The following TBL1XR1 variants were observed in gnomAD, a reference collection of about 807,000 sequenced individuals.
TBL1XR1 encodes the protein F-box-like/WD repeat-containing protein TBL1XR1.
TBL1XR1 carries 5 observed loss-of-function variants against 66.9 expected under a neutral mutation model. The ratio of observed to expected loss-of-function variants is 0.07; its 90% CI spans 0.04 to 0.16. The LOEUF is 0.16. TBL1XR1 is among the 10% of genes least tolerant of loss of function. The pLI, the probability that TBL1XR1 is intolerant of heterozygous loss-of-function variation, is 1.00. For synonymous variants in TBL1XR1, 210 were observed against 206.0 expected (o/e 1.02, Z -0.17); for missense variants, 238 against 623.2 (o/e 0.38, Z 6.58).
intron 1 of TBL1XR1, among the ~76,000 whole-genome samples, chr3:177,168,440 C>A (rs1733089112): frequency 6.6e-6 from 1 of 152,100 alleles, no homozygotes; most frequent in African/African-American, 2.4e-5. Context: ...CGACACCATA[C>A]CCAGCTAATT....
intron 1 of TBL1XR1, among the ~76,000 whole-genome samples, chr3:177,105,023 C>G (rs952843606): frequency 6.6e-6 from 1 of 152,180 alleles, no homozygotes; most frequent in South Asian, 2.1e-4. Context: ...TACTTAGGCA[C>G]TAACGCCTAT....
intron 1 of TBL1XR1, among the ~76,000 whole-genome samples, chr3:177,150,912 A>G (rs1730805962): frequency 6.6e-6 from 1 of 152,260 alleles, no homozygotes; most frequent in African/African-American, 2.4e-5. Flanking sequence ...TGAGAATCTG[A>G]GATCGGACCT....
At chr3:177,072,060 A>C (rs1365867350) in intron 2 of TBL1XR1, among the ~76,000 whole-genome samples, 1 of 152,232 alleles carries the variant, frequency 6.6e-6, no homozygotes, top group Non-Finnish European at 1.5e-5. Flanking sequence ...TACAGATTCT[A>C]ACTGCAAAGT....
chr3:177,065,072 A>C, intron 2 of TBL1XR1, 50 bp from the exon 3 acceptor site: 2 of 1,207,332 alleles, frequency 1.7e-6, no homozygotes, highest in Non-Finnish European at 1.1e-6. Flanking sequence ...ATTTTTAAAC[A>C]AGATGTAAAC....
At chr3:177,039,347 C>T (rs890971008) in intron 10 of TBL1XR1, among the ~76,000 whole-genome samples, 6 of 152,140 alleles carry the variant, frequency 3.9e-5, no homozygotes, top group African/African-American at 1.2e-4. Flanking sequence ...CTGTCAATTA[C>T]AAGAGTTAGA....
At chr3:177,064,582 A>C (rs776826342) in intron 3 of TBL1XR1, among the ~76,000 whole-genome samples, 3 of 152,228 alleles carry the variant, frequency 2.0e-5, no homozygotes, top group Non-Finnish European at 2.9e-5. Flanking sequence ...AACAACATTT[A>C]ATTGAGAATT....
rs1577398794 is a variant in TBL1XR1, at chr3:177,178,623, G to A, written c.-122+18498C>T. 2.0e-5 allele frequency among the ~76,000 whole-genome samples: 3 copies of A among 152,292 alleles called. No individual in the cohort carries two copies. In the South Asian group the frequency reaches 6.2e-4, roughly 32 times the overall value. ...GCACTTTGGGATGCCCAGGCAGGCG[G>A]ATCACCTGAGGTCAGGAGTTCGAGA... is the stretch of plus-strand genomic sequence containing the variant. On this transcript the variant is annotated intron_variant, in intron 1 of 15. Coordinates refer to ENST00000457928, the MANE Select transcript of TBL1XR1 (RefSeq NM_024665.7).
chr3:177,138,022 T>G (rs1214785950), intron 1 of TBL1XR1, among the ~76,000 whole-genome samples: 1 of 152,146 alleles, frequency 6.6e-6, no homozygotes, highest in Non-Finnish European at 1.5e-5. Context: ...TGTCACTGGA[T>G]GATGATAAAT....
chr3:177,109,962 G>A (rs1268421770), intron 1 of TBL1XR1, among the ~76,000 whole-genome samples: 1 of 152,028 alleles, frequency 6.6e-6, no homozygotes, highest in Non-Finnish European at 1.5e-5. Flanking sequence ...GCTTACTACT[G>A]GAAGGCATAC....
intron 1 of TBL1XR1, among the ~76,000 whole-genome samples, chr3:177,176,878 G>A (rs1026915279): frequency 1.3e-5 from 2 of 152,142 alleles, no homozygotes; most frequent in Non-Finnish European, 1.5e-5. Context: ...TACTGACGAG[G>A]CTGAGGTGGG....
intron 13 of TBL1XR1, among the ~76,000 whole-genome samples, chr3:177,033,346 T>C (rs1714276360): frequency 6.6e-6 from 1 of 152,094 alleles, no homozygotes; most frequent in Non-Finnish European, 1.5e-5. Flanking sequence ...GAAGAGCAAG[T>C]GTTCTAGAAA....
chr3:177,089,840 C>A (rs1203769531), intron 2 of TBL1XR1, among the ~76,000 whole-genome samples: 4 of 152,074 alleles, frequency 2.6e-5, no homozygotes, highest in Non-Finnish European at 5.9e-5. Context: ...GCAAACAGTT[C>A]TAAAATAAAC....
intron 1 of TBL1XR1, among the ~76,000 whole-genome samples, chr3:177,158,708 T>C (rs1731815800): frequency 6.6e-6 from 1 of 152,174 alleles, no homozygotes; most frequent in South Asian, 2.1e-4. Flanking sequence ...TGCATATAGA[T>C]ATGATTAGAA....
At chr3:177,092,445 A>G (rs1333286838) in intron 2 of TBL1XR1, among the ~76,000 whole-genome samples, 1 of 152,188 alleles carries the variant, frequency 6.6e-6, no homozygotes, top group African/African-American at 2.4e-5. Context: ...AATAAAAGGG[A>G]AAAAATAGGT....
chr3:177,041,860 G>A (rs980019723), intron 10 of TBL1XR1, among the ~76,000 whole-genome samples: 10 of 152,104 alleles, frequency 6.6e-5, no homozygotes, highest in Non-Finnish European at 1.0e-4. Flanking sequence ...AGACAAGCAC[G>A]ACTGCCATCA....
At chr3:177,173,964 A>C (rs1051960716) in intron 1 of TBL1XR1, among the ~76,000 whole-genome samples, 2 of 152,210 alleles carry the variant, frequency 1.3e-5, no homozygotes, top group Non-Finnish European at 2.9e-5. Flanking sequence ...TTAATGTAAA[A>C]TCTTTAGAAG....
intron 1 of TBL1XR1, among the ~76,000 whole-genome samples, chr3:177,151,394 A>G (rs939661530): frequency 6.6e-6 from 1 of 152,240 alleles, no homozygotes; most frequent in Non-Finnish European, 1.5e-5. Context: ...CAGTGGGGCC[A>G]GCATTACCAC....
intron 1 of TBL1XR1, among the ~76,000 whole-genome samples, chr3:177,194,787 TTTA>T (rs1167825441): frequency 6.6e-6 from 1 of 152,190 alleles, no homozygotes; most frequent in Non-Finnish European, 1.5e-5. Flanking sequence ...ATGCAAAACC[TTTA>T]ATTAGGTGTC....
At chr3:177,164,187 T>C (rs1202019917) in intron 1 of TBL1XR1, among the ~76,000 whole-genome samples, 1 of 152,190 alleles carries the variant, frequency 6.6e-6, no homozygotes, top group Non-Finnish European at 1.5e-5. Flanking sequence ...AATTCATTAT[T>C]GTGGCTTGGT....
Sources: gnomAD v4.1 joint callset for allele counts (sites outside exome capture counted in the v4.1 genomes callset) on GRCh38, gnomAD v4.1.1 for gene constraint, MANE v1.5 for transcripts, NCBI Gene and HGNC (gene_info 2026-07-23, HGNC 2026-07-21) for gene names.